Variants in PCDHGB1 observed in about 807,000 individuals in gnomAD.
The protein encoded by PCDHGB1 is protocadherin gamma-B1.
Under a neutral mutation model 56.6 loss-of-function variants are expected in PCDHGB1, and 34 were observed. That is an observed-to-expected ratio of 0.60 (90% confidence interval 0.46 to 0.80). The LOEUF (loss-of-function observed/expected upper bound fraction) is 0.80, where lower values mean the gene tolerates loss of function less well. Ranked by LOEUF, PCDHGB1 falls within the 30% of genes least tolerant of loss-of-function variation. PCDHGB1 has a pLI of 0.00. For synonymous variants in PCDHGB1, 561 were observed against 505.9 expected (o/e 1.11, Z -1.46); for missense variants, 1,278 against 1,204.6 (o/e 1.06, Z -0.90).
chr5:141,476,038 G>A lies in PCDHGB1; in HGVS notation c.2410-18769G>A, dbSNP rs1426234941. 1.3e-6 allele frequency: 2 copies of A among 1,484,842 alleles called. No homozygotes were observed. Among genetic ancestry groups the A allele is most frequent in the Non-Finnish European group, 1.8e-6 (2 of 1,118,086 alleles). 92.0% of individuals were successfully genotyped at this position (1,484,842 alleles called of 1,614,324 possible). The stretch of plus-strand genomic sequence containing the variant: ...GTCGGACTCGGCGCCCAGCGCCCAA[G>A]CGCTAACCCGCTGAAAGTTTCTCAG... On this transcript the variant is annotated intron_variant, in intron 1 of 3. Coordinates refer to ENST00000523390, the MANE Select transcript of PCDHGB1 (RefSeq NM_018922.3). The surrounding 1 kb of genome is among the most constrained non-coding windows in gnomAD (Gnocchi z 7.6).
intron 1 of PCDHGB1, among the ~76,000 whole-genome samples, chr5:141,354,742 A>G (rs1561507163): frequency 6.6e-6 from 1 of 152,224 alleles, no homozygotes; most frequent in Non-Finnish European, 1.5e-5. Context: ...TGAAAACTGA[A>G]AAGAGGAAGA....
chr5:141,426,590 C>T (rs2096945493), intron 1 of PCDHGB1: 1 of 369,282 alleles, frequency 2.7e-6, no homozygotes, highest in East Asian at 7.4e-5. Context: ...TCCTCTGTGT[C>T]ATACCCTTAG....
chr5:141,423,484 A>G, intron 1 of PCDHGB1: 1 of 1,613,722 alleles, frequency 6.2e-7, no homozygotes, highest in Non-Finnish European at 8.5e-7. Flanking sequence ...TTTCCTGCAA[A>G]CCTATTCCCA....
chr5:141,485,134 C>T lies in PCDHGB1; in HGVS notation c.2410-9673C>T. The T allele has an allele frequency of 6.7e-7, 1 of 1,495,958 alleles. No homozygotes were observed. The highest frequency in any genetic ancestry group is 1.4e-5 in the African/African-American group (1 of 72,714). 92.7% of individuals were successfully genotyped at this position (1,495,958 alleles called of 1,614,324 possible). On this transcript the variant is annotated intron_variant, in intron 1 of 3. Transcript: ENST00000523390. The surrounding 1 kb of genome is among the most constrained non-coding windows in gnomAD (Gnocchi z 5.7). Reference sequence around the variant, plus strand: ...CTGTTTGGGGCGGGTCGGCTTCATCCGCGTCTCAGGAGCAAGTAGAGAATT... The same window carrying T: ...CTGTTTGGGGCGGGTCGGCTTCATCTGCGTCTCAGGAGCAAGTAGAGAATT...
intron 1 of PCDHGB1, chr5:141,475,820 C>G (rs890721743): frequency 1.1e-5 from 4 of 351,810 alleles, no homozygotes; most frequent in Non-Finnish European, 1.5e-5. Context: ...AAGTTCCTGG[C>G]GCTAGCGCGT....
At chr5:141,360,296 T>C (rs1304247078) in intron 1 of PCDHGB1, 1 of 1,613,922 alleles carries the variant, frequency 6.2e-7, no homozygotes, top group African/African-American at 1.3e-5. Context: ...GCCAAGGATC[T>C]GGGGCTCAGC....
intron 1 of PCDHGB1, chr5:141,366,785 C>T: frequency 1.3e-6 from 2 of 1,576,144 alleles, no homozygotes; most frequent in Non-Finnish European, 8.6e-7. Flanking sequence ...ATGACCAGAA[C>T]ATTTTCATTT....
In PCDHGB1 at chr5:141,351,808, C is replaced by T. The variant is rs186558249; in HGVS notation, c.1548C>T (p.Phe516=). 8,386 of 1,613,306 alleles carry T rather than the reference C, an allele frequency of 5.2e-3. 46 individuals are homozygous for T. Among genetic ancestry groups the T allele is most frequent in the Admixed American group, 9.5e-3 (569 of 60,020 alleles). The stretch of plus-strand genomic sequence containing the variant: ...GGGTGGTGTTCGCGCAGCGCGCCTT[C>T]GACCACGAGCAGCTGCGCGCCTTCG... ...QSGVVFAQRA[F]DHEQLRAFEL... Residue 516 remains phenylalanine, a synonymous_variant, in exon 1 of 4, where the codon TTC becomes TTT. Coordinates refer to ENST00000523390, the MANE Select transcript of PCDHGB1 (RefSeq NM_018922.3).
intron 1 of PCDHGB1, among the ~76,000 whole-genome samples, chr5:141,425,159 G>C (rs557552439): frequency 6.6e-6 from 1 of 152,126 alleles, no homozygotes; most frequent in South Asian, 2.1e-4. Context: ...AGCATCTAGG[G>C]ATAGGATTTA....
At chr5:141,449,137 A>C (rs1257120647) in intron 1 of PCDHGB1, among the ~76,000 whole-genome samples, 1 of 152,176 alleles carries the variant, frequency 6.6e-6, no homozygotes, top group Non-Finnish European at 1.5e-5. Context: ...AATGGAATTG[A>C]AATTGCTGGG....
At position 141,477,984 on chromosome 5, in the gene PCDHGB1, T is replaced by A; in HGVS notation, c.2410-16823T>A. On this transcript the variant is annotated intron_variant, in intron 1 of 3. Coordinates refer to ENST00000523390, the MANE Select transcript of PCDHGB1 (RefSeq NM_018922.3). This position sits in a 1 kb window ranked among gnomAD's most constrained non-coding sequence, Gnocchi z 4.9. ...AACCAGAGCCTTTTTGCCATAGGGC[T>A]GCACACTGGTCAAATCAGTACTGCC... 6.2e-7 allele frequency: 1 copy of A among 1,614,146 alleles called. No homozygotes were observed. The highest frequency in any genetic ancestry group is 8.5e-7 in the Non-Finnish European group (1 of 1,180,028).
chr5:141,469,394 G>A lies in PCDHGB1; in HGVS notation c.2410-25413G>A, dbSNP rs550152670. Among the ~76,000 whole-genome samples the A allele has an allele frequency of 2.5e-4, 38 of 152,198 alleles. 1 individual carries two copies. The highest frequency in any genetic ancestry group is 8.4e-4 in the African/African-American group (35 of 41,514). On this transcript the variant is annotated intron_variant, in intron 1 of 3. Coordinates refer to ENST00000523390, the MANE Select transcript of PCDHGB1 (RefSeq NM_018922.3). ...GATCGAGACCATCCTGGCCAACATG[G>A]TGAAACCCCGTTTCTACTAAAAATA...
chr5:141,372,196 A>G lies in PCDHGB1; in HGVS notation c.2409+19527A>G, dbSNP rs1362728407. ...GCGGTGGACGCAGACTCGGGATACA[A>G]CGCCTGGCTGTCCTACCACATTGTG... On this transcript the variant is annotated intron_variant, in intron 1 of 3. Coordinates refer to ENST00000523390, the MANE Select transcript of PCDHGB1 (RefSeq NM_018922.3). 8 of 1,613,504 alleles carry G rather than the reference A, an allele frequency of 5.0e-6. No individual in the cohort carries two copies. The East Asian group carries it at 1.3e-4, about 27-fold the overall frequency.
At chr5:141,400,766 C>T in intron 1 of PCDHGB1, 1 of 577,074 alleles carries the variant, frequency 1.7e-6, no homozygotes, top group South Asian at 2.3e-5. Context: ...CTAGCAAAAA[C>T]ATTTGGTGCG....
intron 1 of PCDHGB1, chr5:141,428,481 C>T (rs2097141995): frequency 3.0e-6 from 1 of 331,008 alleles, no homozygotes; most frequent in Non-Finnish European, 5.8e-6. Flanking sequence ...TGCTTTATTC[C>T]TGCAATCTGT....
At position 141,418,023 on chromosome 5, in the gene PCDHGB1, G is replaced by A. The variant is rs375588252; in HGVS notation, c.2409+65354G>A. 244 of 1,613,996 alleles carry A rather than the reference G, an allele frequency of 1.5e-4. No individual in the cohort carries two copies. The Middle Eastern group carries it at 3.5e-3, about 23-fold the overall frequency. On this transcript the variant is annotated intron_variant, in intron 1 of 3. Coordinates refer to ENST00000523390, the MANE Select transcript of PCDHGB1 (RefSeq NM_018922.3). ...GTGGGGAACCTCGCTAAGGATCTAGGGCTTAGTGTCCTGGATGTGTCGGCT... is the reference window on the plus strand; with the variant it reads ...GTGGGGAACCTCGCTAAGGATCTAGAGCTTAGTGTCCTGGATGTGTCGGCT...
chr5:141,400,372 A>T, intron 1 of PCDHGB1: 1 of 1,613,980 alleles, frequency 6.2e-7, no homozygotes, highest in South Asian at 1.1e-5. Flanking sequence ...TTATTCCTAC[A>T]ACCTATGTGT....
At chr5:141,426,876 C>T (rs796453479) in intron 1 of PCDHGB1, 2 of 456,726 alleles carry the variant, frequency 4.4e-6, no homozygotes, top group African/African-American at 2.0e-5. Context: ...GGAGAAGCCC[C>T]TGGGCCAGGA....
Position 141,356,101 on chromosome 5 carries a change from A to G in PCDHGB1, c.2409+3432A>G, listed in dbSNP as rs573376622. 7.4e-6 allele frequency: 12 copies of G among 1,613,918 alleles called. No individual in the cohort carries two copies. In the African/African-American group the frequency reaches 9.3e-5, roughly 13 times the overall value. On this transcript the variant is annotated intron_variant, in intron 1 of 3. Transcript: ENST00000523390. The stretch of plus-strand genomic sequence containing the variant: ...TCAGTTGAATTCTCTGAGTGGGGAT[A>G]TAACAATATTGGGGGGTCTAGATTA...
Sources: allele counts gnomAD v4.1 joint callset (sites outside exome capture counted in the v4.1 genomes callset), GRCh38; gene constraint gnomAD v4.1.1; non-coding constraint Gnocchi (gnomAD v3.1); transcripts MANE v1.5; gene names NCBI Gene and HGNC (gene_info 2026-07-23, HGNC 2026-07-21).